The following TAF12 variants were observed in gnomAD, a reference collection of about 807,000 sequenced individuals.
TAF12 encodes the protein TATA-box binding protein associated factor 12, also known as transcription initiation factor TFIID subunit 12.
TAF12 carries 3 observed loss-of-function variants against 20.8 expected under a neutral mutation model. The observed-to-expected ratio is 0.14, with a 90% confidence interval of 0.07 to 0.37. The LOEUF (loss-of-function observed/expected upper bound fraction) is 0.37. Ranked by LOEUF, TAF12 falls within the 10% of genes least tolerant of loss-of-function variation. The pLI is 1.00. For synonymous variants in TAF12, 69 were observed against 70.2 expected (o/e 0.98, Z 0.09); for missense variants, 131 against 197.9 (o/e 0.66, Z 2.03).
chr1:28,618,424 C>G (rs1411528664), intron 2 of TAF12, among the ~76,000 whole-genome samples: 2 of 152,056 alleles, frequency 1.3e-5, no homozygotes, highest in African/African-American at 4.8e-5. Flanking sequence ...CTATTGCCCA[C>G]TGGAGTGCAG....
At chr1:28,632,633 G>C (rs997270434) in intron 1 of TAF12, among the ~76,000 whole-genome samples, 2 of 151,976 alleles carry the variant, frequency 1.3e-5, no homozygotes, top group African/African-American at 4.8e-5. Context: ...TCCATTTATA[G>C]GCCACTCTGG....
At chr1:28,644,714 G>A (rs375343050), upstream of TAF12, among the ~76,000 whole-genome samples, 9 of 152,346 alleles carry the variant, frequency 5.9e-5, no homozygotes, top group East Asian at 9.6e-4. Context: ...TCTTCAGTAA[G>A]GAAAACACTT....
chr1:28,625,186 G>T (rs191345556), intron 1 of TAF12, among the ~76,000 whole-genome samples: 30 of 152,256 alleles, frequency 2.0e-4, no homozygotes, highest in Non-Finnish European at 3.5e-4. Context: ...ACTGAGTATT[G>T]CACAAAATAA....
Position 28,605,404 on chromosome 1 carries a change from T to C in TAF12, c.418A>G (p.Lys140Glu). 1 of 1,614,092 alleles carries C rather than the reference T, an allele frequency of 6.2e-7. No homozygotes were observed. Residue 140 changes from lysine to glutamate, a missense_variant, in exon 5 of 6, where the codon AAA (lysine) becomes GAA (glutamate). Transcript: ENST00000373824. Reference sequence around the variant, plus strand: ...TGAGCTTCTGTGGTGCAAGCTTTTTTGTAGGGTCGGATTTCTTCAGAGCCA... The same window carrying C: ...TGAGCTTCTGTGGTGCAAGCTTTTTCGTAGGGTCGGATTTCTTCAGAGCCA... ...GFGSEEIRPY[K>E]KACTTEAHKQ... is the part of the protein sequence containing the mutation.
At chr1:28,621,778 G>C in intron 2 of TAF12, 136 bp downstream of exon 2, 2 of 1,351,294 alleles carry the variant, frequency 1.5e-6, no homozygotes, top group South Asian at 3.0e-5. Flanking sequence ...AAAAAAGTTA[G>C]AAATCCAAAA....
chr1:28,614,691 A>G (rs1467218533), intron 3 of TAF12, among the ~76,000 whole-genome samples: 1 of 151,078 alleles, frequency 6.6e-6, no homozygotes, highest in Non-Finnish European at 1.5e-5. Context: ...AAAAAAAAGC[A>G]AGCAAGCAGA....
chr1:28,648,246 T>C (rs930977609), exon 1 of TAF12: 6 of 985,270 alleles, frequency 6.1e-6, no homozygotes, highest in Non-Finnish European at 7.2e-6. Context: ...AGACGCCTTC[T>C]GTCGTGAGCA....
chr1:28,603,474 T>C lies in TAF12; in HGVS notation c.*65A>G, dbSNP rs917941498. The C allele has an allele frequency of 1.5e-5, 24 of 1,562,262 alleles. No individual in the cohort carries two copies. Among genetic ancestry groups the C allele is most frequent in the Non-Finnish European group, 2.1e-5 (24 of 1,137,200 alleles). ...TAAAAAAAAAAATCCAAGGATGAGA[T>C]GGCTGAGTTCTCAGCTCAAGTATCT... On this transcript the variant is annotated 3_prime_UTR_variant, in exon 6 of 6. Transcript: ENST00000373824.
intron 1 of TAF12, among the ~76,000 whole-genome samples, chr1:28,633,835 C>A (rs1398468068): frequency 6.6e-6 from 1 of 151,088 alleles, no homozygotes; most frequent in East Asian, 2.0e-4. Context: ...TCGCTAGAAT[C>A]CGGGAGGCGG....
At chr1:28,615,435 T>G (rs573052508) in intron 3 of TAF12, among the ~76,000 whole-genome samples, 5 of 151,846 alleles carry the variant, frequency 3.3e-5, no homozygotes, top group African/African-American at 1.2e-4. Flanking sequence ...TCCCAGCACT[T>G]TGGGAGGCCG....
intron 2 of TAF12, among the ~76,000 whole-genome samples, chr1:28,620,412 C>T (rs1306641828): frequency 1.3e-5 from 2 of 151,346 alleles, no homozygotes; most frequent in Non-Finnish European, 2.9e-5. Flanking sequence ...GGATTACAGG[C>T]GTGAGCTACC....
At chr1:28,611,747 C>A (rs1277477784) in intron 4 of TAF12, among the ~76,000 whole-genome samples, 1 of 152,094 alleles carries the variant, frequency 6.6e-6, no homozygotes, top group African/African-American at 2.4e-5. Context: ...GCCTGCAGAA[C>A]TGTGAGAGAA....
At chr1:28,637,416 T>C (rs994441951) in intron 1 of TAF12, among the ~76,000 whole-genome samples, 3 of 151,984 alleles carry the variant, frequency 2.0e-5, no homozygotes, top group African/African-American at 7.3e-5. Flanking sequence ...CCTGTAATCC[T>C]AGAACTTTGG....
At chr1:28,624,993 C>A (rs1176532994) in intron 1 of TAF12, among the ~76,000 whole-genome samples, 3 of 152,050 alleles carry the variant, frequency 2.0e-5, no homozygotes, top group African/African-American at 2.4e-5. Context: ...AGGATAGAAA[C>A]CTTTCTTAAC....
chr1:28,624,350 C>T (rs4316338), intron 1 of TAF12, among the ~76,000 whole-genome samples: 33,572 of 152,038 alleles, frequency 0.22, 4,129 homozygotes, highest in Middle Eastern at 0.33. Flanking sequence ...TATCAATGGC[C>T]TTCAGAACTT....
chr1:28,613,146 A>G (rs934989064), intron 4 of TAF12, 101 bp downstream of exon 4: 17 of 889,520 alleles, frequency 1.9e-5, no homozygotes, highest in Non-Finnish European at 2.5e-5. Flanking sequence ...CCAGTGCCCA[A>G]AAGTCTGGTT....
chr1:28,630,092 AC>A (rs1667566533), intron 1 of TAF12, among the ~76,000 whole-genome samples: 1 of 152,076 alleles, frequency 6.6e-6, no homozygotes. Context: ...GGCATGCACC[AC>A]CATGCCCAGC....
intron 1 of TAF12, among the ~76,000 whole-genome samples, chr1:28,638,771 C>T (rs1230727302): frequency 6.6e-6 from 1 of 151,000 alleles, no homozygotes; most frequent in Admixed American, 6.6e-5. Context: ...CAGGCATGAG[C>T]CACCTCACCT....
At chr1:28,629,602 C>A (rs1374966533) in intron 1 of TAF12, among the ~76,000 whole-genome samples, 6 of 152,116 alleles carry the variant, frequency 3.9e-5, no homozygotes, top group African/African-American at 1.4e-4. Context: ...TCCCATAGTG[C>A]TGGGATTACA....
Sources: gnomAD v4.1 joint callset for allele counts (sites outside exome capture counted in the v4.1 genomes callset) on GRCh38, gnomAD v4.1.1 for gene constraint, MANE v1.5 for transcripts, NCBI Gene and HGNC (gene_info 2026-07-23, HGNC 2026-07-21) for gene names.